RBM20: variants seen among roughly 807,000 people sequenced by gnomAD.
The protein encoded by RBM20 is RNA-binding protein 20.
A neutral mutation model predicts 110.1 loss-of-function variants in RBM20; 51 were observed. That is an observed-to-expected ratio of 0.46 (90% CI 0.37 to 0.59). The LOEUF is 0.59. Among genes scored for constraint, RBM20 ranks in the 20% least tolerant of loss-of-function variants. RBM20 has a pLI of 0.00. For missense variants in RBM20, 1,512 were observed against 1,574.9 expected, an observed-to-expected ratio of 0.96 and a Z score of 0.68; for synonymous variants, 589 against 618.2, an observed-to-expected ratio of 0.95 and a Z score of 0.70.
intron 1 of RBM20, among the ~76,000 whole-genome samples, chr10:110,759,970 T>G (rs1590659413): frequency 6.6e-6 from 1 of 152,188 alleles, no homozygotes; most frequent in East Asian, 1.9e-4. Context: ...TCCTTTGGTC[T>G]TACCTGACTG....
chr10:110,782,979 T>A lies in RBM20; in HGVS notation c.1276-387T>A, dbSNP rs1844373323. Among the ~76,000 whole-genome samples, 4 of 151,170 alleles carry A rather than the reference T, an allele frequency of 2.6e-5. No homozygotes were observed. In the South Asian group the frequency reaches 8.4e-4, roughly 32 times the overall value. On this transcript the variant is annotated intron_variant, in intron 2 of 13. Coordinates refer to ENST00000369519, the MANE Select transcript of RBM20 (RefSeq NM_001134363.3). ...CTAAGGCTTTGTAAGTCACTGTGAG[T>A]CTACCTGCCAGATTCTCCCAACTGG...
At chr10:110,653,365 C>T (rs922233805) in intron 1 of RBM20, among the ~76,000 whole-genome samples, 2 of 152,024 alleles carry the variant, frequency 1.3e-5, no homozygotes, top group African/African-American at 4.8e-5. Context: ...TCTTGCTTGC[C>T]CTTGAGTGTG....
At chr10:110,783,268 G>C in intron 2 of RBM20, 98 bp from the exon 3 acceptor site, 1 of 877,412 alleles carries the variant, frequency 1.1e-6, no homozygotes, top group South Asian at 1.4e-5. Context: ...GCCTCTGGGC[G>C]CTCTGTGCTC....
chr10:110,795,072 G>A (rs567896858), intron 5 of RBM20, among the ~76,000 whole-genome samples: 3 of 152,356 alleles, frequency 2.0e-5, no homozygotes, highest in East Asian at 3.9e-4. Flanking sequence ...GCCAACCACA[G>A]CAAAGTCACA....
intron 1 of RBM20, among the ~76,000 whole-genome samples, chr10:110,667,280 C>T (rs1045016335): frequency 2.6e-5 from 4 of 152,212 alleles, no homozygotes; most frequent in African/African-American, 9.6e-5. Context: ...ATCCCTGTGA[C>T]GTGGGTACCC....
chr10:110,689,094 G>C (rs1477599859), intron 1 of RBM20, among the ~76,000 whole-genome samples: 1 of 152,106 alleles, frequency 6.6e-6, no homozygotes, highest in Non-Finnish European at 1.5e-5. Context: ...AAATAATATA[G>C]AAGGACCCTG....
chr10:110,696,877 A>G (rs375593215), intron 1 of RBM20, among the ~76,000 whole-genome samples: 6 of 152,258 alleles, frequency 3.9e-5, no homozygotes, highest in East Asian at 3.9e-4. Context: ...TGAATTCTCA[A>G]ATGTGTGCTC....
At chr10:110,811,393 T>C (rs1844765845) in intron 8 of RBM20, among the ~76,000 whole-genome samples, 1 of 152,254 alleles carries the variant, frequency 6.6e-6, no homozygotes, top group Non-Finnish European at 1.5e-5. Flanking sequence ...AGTGTATCTG[T>C]ATATATGTGC....
At chr10:110,823,185 G>A (rs371941807) in intron 11 of RBM20, among the ~76,000 whole-genome samples, 5 of 151,962 alleles carry the variant, frequency 3.3e-5, no homozygotes, top group African/African-American at 7.3e-5. Flanking sequence ...GGCATGGGGG[G>A]TGGGGGGTGG....
At chr10:110,728,774 G>A (rs2094911388) in intron 1 of RBM20, among the ~76,000 whole-genome samples, 3 of 152,314 alleles carry the variant, frequency 2.0e-5, no homozygotes, top group African/African-American at 2.4e-5. Flanking sequence ...GGTGAGGCAG[G>A]TGATGTCATA....
chr10:110,822,019 A>C (rs1844921057), intron 11 of RBM20, 84 bp downstream of exon 11: 5 of 1,327,406 alleles, frequency 3.8e-6, no homozygotes, highest in Admixed American at 4.0e-5. Context: ...TGCAGGCTGG[A>C]ATGAACATAA....
At chr10:110,666,624 T>C (rs1040738302) in intron 1 of RBM20, among the ~76,000 whole-genome samples, 7 of 152,096 alleles carry the variant, frequency 4.6e-5, no homozygotes, top group Non-Finnish European at 1.5e-5. Flanking sequence ...CCAGCCTGGG[T>C]GACAGAGAGA....
At chr10:110,807,193 C>CA (rs1248348803) in intron 7 of RBM20, among the ~76,000 whole-genome samples, 1 of 152,212 alleles carries the variant, frequency 6.6e-6, no homozygotes, top group Non-Finnish European at 1.5e-5. Context: ...TGCTCCATGC[C>CA]AGGCTCTGTG....
intron 1 of RBM20, among the ~76,000 whole-genome samples, chr10:110,731,015 A>G (rs1843615844): frequency 1.3e-5 from 2 of 152,330 alleles, no homozygotes; most frequent in African/African-American, 4.8e-5. Context: ...TGTAACTTAT[A>G]TGCTTTGTCT....
chr10:110,808,845 AG>A (rs1169972950), intron 7 of RBM20, among the ~76,000 whole-genome samples: 6 of 152,166 alleles, frequency 3.9e-5, no homozygotes, highest in Non-Finnish European at 7.3e-5. Context: ...TAGGCCAGCT[AG>A]ATCACATCTC....
At chr10:110,698,190 G>A (rs1404719739) in intron 1 of RBM20, among the ~76,000 whole-genome samples, 1 of 152,132 alleles carries the variant, frequency 6.6e-6, no homozygotes, top group Admixed American at 6.5e-5. Context: ...TTACAGGCGT[G>A]AGCCACCGCG....
intron 1 of RBM20, among the ~76,000 whole-genome samples, chr10:110,665,062 A>G (rs1862157509): frequency 6.6e-6 from 1 of 151,676 alleles, no homozygotes; most frequent in South Asian, 2.1e-4. Context: ...TCTTTTGTAG[A>G]GATAGGCTCT....
Position 110,781,072 on chromosome 10 carries a change from C to T in RBM20, c.463C>T (p.His155Tyr). The T allele has an allele frequency of 1.3e-6, 2 of 1,551,942 alleles. No individual in the cohort carries two copies. The highest frequency in any genetic ancestry group is 1.7e-6 in the Non-Finnish European group (2 of 1,147,040). Reference protein sequence around the residue: ...GPHGHAGVPQHAAAIPSTRFP... With the variant: ...GPHGHAGVPQYAAAIPSTRFP... Reference sequence around the variant, plus strand: ...CCACGGCCATGCTGGGGTTCCCCAACATGCTGCAGCCATACCCAGTACCCG... The same window carrying T: ...CCACGGCCATGCTGGGGTTCCCCAATATGCTGCAGCCATACCCAGTACCCG... The change falls in exon 2 of 14, where the codon CAT (histidine) becomes TAT (tyrosine). Residue 155 changes from histidine to tyrosine, a missense_variant. By Grantham distance (83) the His-to-Tyr change is moderately conservative. Transcript: ENST00000369519.
intron 1 of RBM20, among the ~76,000 whole-genome samples, chr10:110,745,267 TCC>T (rs1843765767): frequency 6.6e-6 from 1 of 152,168 alleles, no homozygotes; most frequent in South Asian, 2.1e-4. Flanking sequence ...GCCTTGTTCT[TCC>T]CCTCCTGTGC....
Sources: allele counts gnomAD v4.1 joint callset (sites outside exome capture counted in the v4.1 genomes callset), GRCh38; gene constraint gnomAD v4.1.1; transcripts MANE v1.5; gene names NCBI Gene and HGNC (gene_info 2026-07-23, HGNC 2026-07-21).